RTN1: variants seen among roughly 807,000 people sequenced by gnomAD.
The protein encoded by RTN1 is reticulon 1, also known as reticulon-1.
Under a neutral mutation model 65.5 loss-of-function variants are expected in RTN1, and 25 were observed. The ratio of observed to expected loss-of-function variants is 0.38; its 90% confidence interval spans 0.28 to 0.53. The LOEUF (loss-of-function observed/expected upper bound fraction) is 0.53, where lower values mean the gene tolerates loss of function less well. Among genes scored for constraint, RTN1 ranks in the 20% least tolerant of loss-of-function variants. The pLI is 0.79. For synonymous variants in RTN1, 471 were observed against 447.6 expected (o/e 1.05, Z -0.66); for missense variants, 983 against 1,025.4 (o/e 0.96, Z 0.57).
intron 1 of RTN1, among the ~76,000 whole-genome samples, chr14:59,857,814 G>A (rs1461568582): frequency 6.6e-6 from 1 of 152,114 alleles, no homozygotes; most frequent in East Asian, 1.9e-4. Flanking sequence ...CATAAGAAAG[G>A]AGACTAGAGT....
intron 3 of RTN1, among the ~76,000 whole-genome samples, chr14:59,686,985 T>G (rs1385046571): frequency 6.6e-6 from 1 of 152,216 alleles, no homozygotes; most frequent in Non-Finnish European, 1.5e-5. Context: ...AGTTGGGTAG[T>G]GGCCTCTGCA....
intron 1 of RTN1, among the ~76,000 whole-genome samples, chr14:59,841,716 CA>C (rs67435104): frequency 0.17 from 22,976 of 136,700 alleles, 2,310 homozygotes; most frequent in African/African-American, 0.3. Context: ...AAAAAAAAAA[CA>C]AAAAAAAAAA....
chr14:59,750,153 AG>A (rs1378670733), intron 1 of RTN1, among the ~76,000 whole-genome samples: 33 of 60,600 alleles, frequency 5.4e-4, no homozygotes, highest in Non-Finnish European at 8.1e-4. Context: ...TATATATTAT[AG>A]ATAATATATA....
intron 1 of RTN1, among the ~76,000 whole-genome samples, chr14:59,770,873 C>T (rs1174435841): frequency 1.3e-5 from 2 of 151,994 alleles, no homozygotes; most frequent in Non-Finnish European, 2.9e-5. Flanking sequence ...GGTGAAACCC[C>T]ATCTCTACTA....
intron 1 of RTN1, among the ~76,000 whole-genome samples, chr14:59,841,325 T>C (rs60402536): frequency 0.25 from 37,846 of 152,006 alleles, 4,990 homozygotes; most frequent in East Asian, 0.55. Context: ...AGATTTAAGC[T>C]CAGTCATATC....
At chr14:59,778,032 T>A (rs1193154682) in intron 1 of RTN1, among the ~76,000 whole-genome samples, 2 of 152,084 alleles carry the variant, frequency 1.3e-5, no homozygotes, top group Non-Finnish European at 2.9e-5. Context: ...TGTTTTCTAA[T>A]GAGCTTTTGC....
At chr14:59,748,301 A>G (rs1885272439) in intron 1 of RTN1, among the ~76,000 whole-genome samples, 1 of 146,930 alleles carries the variant, frequency 6.8e-6, no homozygotes, top group African/African-American at 2.5e-5. Context: ...TTTTGGTTGC[A>G]CAAGCTATTG....
intron 1 of RTN1, among the ~76,000 whole-genome samples, chr14:59,755,410 G>A (rs148606849): frequency 1.3e-5 from 2 of 152,184 alleles, no homozygotes; most frequent in African/African-American, 2.4e-5. Flanking sequence ...GCAGAGAGAG[G>A]TGCATATTAA....
At position 59,745,969 on chromosome 14, in the gene RTN1, C is replaced by T. The variant is rs772759389; in HGVS notation, c.754G>A (p.Asp252Asn). ...PAPVEGKIIKDHLLEESTFAP... is the reference protein window; with the variant it reads ...PAPVEGKIIKNHLLEESTFAP... Reference sequence around the variant, plus strand: ...AATGTGGATTCTTCCAATAAATGGTCCTTGATGATTTTTCCCTCCACAGGA... The same window carrying T: ...AATGTGGATTCTTCCAATAAATGGTTCTTGATGATTTTTCCCTCCACAGGA... The change falls in exon 2 of 9, where the codon GAC becomes AAC. Residue 252 changes from aspartate to asparagine, a missense_variant. Asp to Asn is a conservative substitution (Grantham distance 23). Coordinates refer to ENST00000267484, the MANE Select transcript of RTN1 (RefSeq NM_021136.3). 1 of 1,614,086 alleles carries T rather than the reference C, an allele frequency of 6.2e-7. No homozygotes were observed. Among genetic ancestry groups the T allele is most frequent in the East Asian group, 2.2e-5 (1 of 44,874 alleles).
intron 1 of RTN1, among the ~76,000 whole-genome samples, chr14:59,749,812 T>G (rs1885398565): frequency 8.7e-6 from 1 of 115,352 alleles, no homozygotes. Flanking sequence ...TATATATCTA[T>G]ATGTATATTT....
intron 1 of RTN1, among the ~76,000 whole-genome samples, chr14:59,858,232 T>C (rs17310036): frequency 0.22 from 33,189 of 152,124 alleles, 4,126 homozygotes; most frequent in East Asian, 0.56. Flanking sequence ...AATAAATCAG[T>C]GCTTCTTACA....
At chr14:59,618,132 C>T (rs917404941) in intron 3 of RTN1, among the ~76,000 whole-genome samples, 1 of 152,208 alleles carries the variant, frequency 6.6e-6, no homozygotes, top group Non-Finnish European at 1.5e-5. Flanking sequence ...AAACTTAGTT[C>T]ATAATTTAAA....
intron 1 of RTN1, among the ~76,000 whole-genome samples, chr14:59,799,206 G>T (rs765671109): frequency 2.0e-5 from 3 of 152,118 alleles, no homozygotes; most frequent in Non-Finnish European, 2.9e-5. Context: ...AAAAGGCTAA[G>T]GATAGTACAC....
chr14:59,727,793 A>T lies in RTN1; in HGVS notation c.1016-125T>A, dbSNP rs775311462. 1.1e-5 allele frequency: 14 copies of T among 1,293,058 alleles called. No individual in the cohort carries two copies. The highest frequency in any genetic ancestry group is 1.3e-5 in the Non-Finnish European group (13 of 971,542). 80.1% of individuals were successfully genotyped at this position (1,293,058 alleles called of 1,614,324 possible). On this transcript the variant is annotated intron_variant, in intron 2 of 8. Transcript: ENST00000267484. This position sits in a 1 kb window ranked among gnomAD's most constrained non-coding sequence, Gnocchi z 4.2. The stretch of plus-strand genomic sequence containing the variant: ...TGTTTTGTCGTTGCTTGAGAAACAC[A>T]TATCTCATTAGCACAAAAATAATCT...
intron 1 of RTN1, among the ~76,000 whole-genome samples, chr14:59,792,459 G>C (rs1042692428): frequency 3.3e-5 from 5 of 151,480 alleles, no homozygotes; most frequent in African/African-American, 1.2e-4. Context: ...TAAGTAAATG[G>C]GAAAGCCAAA....
At chr14:59,862,665 C>T (rs900922933) in intron 1 of RTN1, among the ~76,000 whole-genome samples, 2 of 152,158 alleles carry the variant, frequency 1.3e-5, no homozygotes, top group Admixed American at 6.5e-5. Context: ...CATCTGTTCC[C>T]ACTGGGATCA....
chr14:59,779,161 T>G (rs983870941), intron 1 of RTN1, among the ~76,000 whole-genome samples: 2 of 150,912 alleles, frequency 1.3e-5, no homozygotes, highest in African/African-American at 2.4e-5. Flanking sequence ...GATACAGGAG[T>G]TGTTCAAGAA....
chr14:59,752,663 C>G (rs2139531228), intron 1 of RTN1, among the ~76,000 whole-genome samples: 1 of 152,232 alleles, frequency 6.6e-6, no homozygotes, highest in African/African-American at 2.4e-5. Flanking sequence ...AACCTGTCAG[C>G]TCCTGGATTT....
At chr14:59,760,913 T>C (rs1288186992) in intron 1 of RTN1, among the ~76,000 whole-genome samples, 1 of 152,202 alleles carries the variant, frequency 6.6e-6, no homozygotes. Context: ...CTGGACCTAA[T>C]GATACAAAAT....
Sources: allele counts gnomAD v4.1 joint callset (sites outside exome capture counted in the v4.1 genomes callset), GRCh38; gene constraint gnomAD v4.1.1; non-coding constraint Gnocchi (gnomAD v3.1); transcripts MANE v1.5; gene names NCBI Gene and HGNC (gene_info 2026-07-23, HGNC 2026-07-21).